CFAP157: variants seen among roughly 807,000 people sequenced by gnomAD.
The protein encoded by CFAP157 is cilia- and flagella-associated protein 157.
Under a neutral mutation model 57.8 loss-of-function variants are expected in CFAP157, and 43 were observed. The ratio of observed to expected loss-of-function variants is 0.74; its 90% CI spans 0.58 to 0.96. The LOEUF (loss-of-function observed/expected upper bound fraction) is 0.96, where lower values mean the gene tolerates loss of function less well. Among genes scored for constraint, CFAP157 ranks in the 40% least tolerant of loss-of-function variants. CFAP157 has a pLI of 0.00. For synonymous variants in CFAP157, 267 were observed against 269.0 expected (o/e 0.99, Z 0.07); for missense variants, 606 against 655.3 (o/e 0.92, Z 0.82).
At chr9:127,713,251 C>T (rs773251319) in intron 8 of CFAP157, 45 bp downstream of exon 8, 1 of 1,421,934 alleles carries the variant, frequency 7.0e-7, no homozygotes, top group Non-Finnish European at 9.5e-7. Flanking sequence ...GGCAGCTAGT[C>T]CTGGGTACAA....
In CFAP157 at chr9:127,713,967, A is replaced by C; in HGVS notation, c.*62A>C. 6.3e-7 allele frequency: 1 copy of C among 1,581,972 alleles called. No homozygotes were observed. Among genetic ancestry groups the C allele is most frequent in the Non-Finnish European group, 8.7e-7 (1 of 1,151,258 alleles). ...GTCCAGTCACAGTCACCCCCACTTT[A>C]ATCCGCAGGCAGCCTGGAACAGTCT... On this transcript the variant is annotated 3_prime_UTR_variant, in exon 9 of 9. Transcript: ENST00000373295.
At chr9:127,711,590 C>A in intron 4 of CFAP157, 94 bp downstream of exon 4, 1 of 1,480,326 alleles carries the variant, frequency 6.8e-7, no homozygotes, top group South Asian at 1.3e-5. Context: ...GCAGTCAAGT[C>A]AGGAGGGAGG....
intron 7 of CFAP157, 45 bp from the exon 8 acceptor site, chr9:127,712,975 C>G: frequency 6.2e-7 from 1 of 1,602,470 alleles, no homozygotes; most frequent in Non-Finnish European, 8.5e-7. Context: ...GGGCCAGAAA[C>G]CTGGCTCGCC....
Position 127,709,733 on chromosome 9 carries a change from C to A in CFAP157, c.433+40C>A, listed in dbSNP as rs767592297. 1.9e-6 allele frequency: 3 copies of A among 1,590,832 alleles called. No individual in the cohort carries two copies. In the East Asian group the frequency reaches 6.8e-5, roughly 36 times the overall value. On this transcript the variant is annotated intron_variant, in intron 2 of 8. Transcript: ENST00000373295. This position sits in a 1 kb window ranked among gnomAD's most constrained non-coding sequence, Gnocchi z 4.7. ...GGCTGGTGAGCCTGCAGGCACACAT[C>A]CCAGCTCTATCACTGACCCTGTTTC... is the stretch of plus-strand genomic sequence containing the variant.
rs1301730945 is a variant in CFAP157, at chr9:127,709,470, C to A, written c.210C>A (p.Arg70=). The A allele has an allele frequency of 9.9e-6, 16 of 1,613,962 alleles. No homozygotes were observed. Among genetic ancestry groups the A allele is most frequent in the Non-Finnish European group, 1.4e-5 (16 of 1,180,006 alleles). ...DELAVQEKMF[R]QEFEQLANNK... Reference sequence around the variant, plus strand: ...TGGCTGTGCAGGAGAAGATGTTCCGCCAGGAGTTTGAGCAGCTGGCCAATA... The same window carrying A: ...TGGCTGTGCAGGAGAAGATGTTCCGACAGGAGTTTGAGCAGCTGGCCAATA... The change falls in exon 2 of 9, where the codon CGC becomes CGA. Residue 70 remains arginine (R), a synonymous_variant. Coordinates refer to ENST00000373295, the MANE Select transcript of CFAP157 (RefSeq NM_001012502.3). This position sits in a 1 kb window ranked among gnomAD's most constrained non-coding sequence, Gnocchi z 4.7.
chr9:127,711,973 C>T (rs1244986608), intron 5 of CFAP157, 23 bp downstream of exon 5: 18 of 1,592,640 alleles, frequency 1.1e-5, no homozygotes, highest in Middle Eastern at 2.1e-4. Flanking sequence ...CACGGAGGGG[C>T]GGGCGGCGGG....
Position 127,713,839 on chromosome 9 carries a change from T to A in CFAP157, c.1497T>A (p.Arg499=). 1.9e-6 allele frequency: 3 copies of A among 1,613,830 alleles called. No homozygotes were observed. The highest frequency in any genetic ancestry group is 1.7e-6 in the Non-Finnish European group (2 of 1,179,948). Residue 499 remains arginine (R), a synonymous_variant, in exon 9 of 9, where the codon CGT becomes CGA. Transcript: ENST00000373295. ...CAGCATCTTTAATCTTACAGATGCGTGCCCCTGGTTCTCTAAAAAGGCTTG... is the reference window on the plus strand; with the variant it reads ...CAGCATCTTTAATCTTACAGATGCGAGCCCCTGGTTCTCTAAAAAGGCTTG... ...TFRAHSSPEM[R]APGSLKRLEK... is the part of the protein sequence containing the mutation.
Position 127,709,474 on chromosome 9 carries a change from G to T in CFAP157, c.214G>T (p.Glu72Ter). 1 of 1,614,032 alleles carries T rather than the reference G, an allele frequency of 6.2e-7. No individual in the cohort carries two copies. The highest frequency in any genetic ancestry group is 8.5e-7 in the Non-Finnish European group (1 of 1,180,024). The change falls in exon 2 of 9, where the codon GAG becomes TAG. Residue 72 changes from glutamate (E) to a stop codon, truncating the protein, a stop_gained. Transcript: ENST00000373295. LOFTEE classifies it high-confidence loss of function. The surrounding 1 kb of genome is among the most constrained non-coding windows in gnomAD (Gnocchi z 4.7). ...TGTGCAGGAGAAGATGTTCCGCCAG[G>T]AGTTTGAGCAGCTGGCCAATAACAA... ...LAVQEKMFRQ[E>*]FEQLANNKKE...
chr9:127,715,278 G>T lies in CFAP157; in HGVS notation c.*1373G>T. On this transcript the variant is annotated 3_prime_UTR_variant, in exon 9 of 9. Coordinates refer to ENST00000373295, the MANE Select transcript of CFAP157 (RefSeq NM_001012502.3). This position sits in a 1 kb window ranked among gnomAD's most constrained non-coding sequence, Gnocchi z 5.8. ...GCGTCCCGTGGGCCCCAACGCAGAG[G>T]AGCGGAAACGCAGAGCAACGCTGCA... The T allele has an allele frequency of 7.0e-7, 1 of 1,437,634 alleles. No individual in the cohort carries two copies. Among genetic ancestry groups the T allele is most frequent in the South Asian group, 1.2e-5 (1 of 82,016 alleles). The allele number at this position is 1,437,634 out of a possible 1,614,324, so 89.1% of individuals were successfully genotyped here.
At position 127,711,809 on chromosome 9, in the gene CFAP157, C is replaced by A; in HGVS notation, c.856-11C>A. The A allele has an allele frequency of 6.4e-7, 1 of 1,555,388 alleles. No homozygotes were observed. ...CAGGCTGAGGGCATGGCCACCTGTC[C>A]GCACCCGCAGATCATCCTCATGCTG... On this transcript the variant is annotated splice_polypyrimidine_tract_variant and intron_variant, in intron 4 of 8. Coordinates refer to ENST00000373295, the MANE Select transcript of CFAP157 (RefSeq NM_001012502.3).
At position 127,715,334 on chromosome 9, in the gene CFAP157, A is replaced by T. The variant is rs1460433526; in HGVS notation, c.*1429A>T. On this transcript the variant is annotated 3_prime_UTR_variant, in exon 9 of 9. Coordinates refer to ENST00000373295, the MANE Select transcript of CFAP157 (RefSeq NM_001012502.3). The surrounding 1 kb of genome is among the most constrained non-coding windows in gnomAD (Gnocchi z 5.8). ...GAAGGGGCGCGAAGAAGGGGCCCAG[A>T]AACCCGACCCCTGAGAACTCCAGAA... 2.4e-6 allele frequency: 3 copies of T among 1,251,758 alleles called. No homozygotes were observed. The South Asian group carries it at 3.8e-5, about 16-fold the overall frequency. 77.5% of individuals were successfully genotyped at this position (1,251,758 alleles called of 1,614,324 possible).
chr9:127,715,739 G>A lies in CFAP157; in HGVS notation c.*1834G>A. The A allele has an allele frequency of 6.5e-7, 1 of 1,539,430 alleles. No homozygotes were observed. Among genetic ancestry groups the A allele is most frequent in the Non-Finnish European group, 8.7e-7 (1 of 1,148,446 alleles). On this transcript the variant is annotated 3_prime_UTR_variant, in exon 9 of 9. Transcript: ENST00000373295. This position sits in a 1 kb window ranked among gnomAD's most constrained non-coding sequence, Gnocchi z 5.8. Reference sequence around the variant, plus strand: ...GGCGTCCACCGCCAACGTCCAATCCGGGCCGGGCTACGTGGCCGCCATGCT... The same window carrying A: ...GGCGTCCACCGCCAACGTCCAATCCAGGCCGGGCTACGTGGCCGCCATGCT...
Position 127,713,079 on chromosome 9 carries a change from C to T in CFAP157, c.1364C>T (p.Thr455Ile). 1.2e-6 allele frequency: 2 copies of T among 1,613,872 alleles called. No individual in the cohort carries two copies. Among genetic ancestry groups the T allele is most frequent in the Non-Finnish European group, 1.7e-6 (2 of 1,179,900 alleles). Residue 455 changes from threonine (T) to isoleucine (I), a missense_variant, in exon 8 of 9, where the codon ACC becomes ATC. Transcript: ENST00000373295. The part of the protein sequence containing the change: ...GSLLPQLSDI[T>I]PYQPGDLGLV... Reference sequence around the variant, plus strand: ...CTGCTGCCGCAGCTCTCTGACATCACCCCCTACCAGCCGGGGGATCTAGGC... The same window carrying T: ...CTGCTGCCGCAGCTCTCTGACATCATCCCCTACCAGCCGGGGGATCTAGGC...
chr9:127,713,641 G>A, intron 8 of CFAP157, 193 bp from the exon 9 acceptor site: 1 of 483,986 alleles, frequency 2.1e-6, no homozygotes, highest in Non-Finnish European at 3.8e-6. Context: ...CAAGTAGCAG[G>A]GATTACAGGC....
intron 6 of CFAP157, 137 bp from the exon 7 acceptor site, chr9:127,712,572 C>A (rs1265160915): frequency 6.4e-7 from 1 of 1,553,924 alleles, no homozygotes; most frequent in African/African-American, 1.4e-5. Flanking sequence ...GGGCCTCAGT[C>A]TTCCCGACTG....
chr9:127,711,981 G>A lies in CFAP157; in HGVS notation c.986+31G>A, dbSNP rs753006096. The A allele has an allele frequency of 6.9e-5, 109 of 1,588,238 alleles. No individual in the cohort carries two copies. Among genetic ancestry groups the A allele is most frequent in the Admixed American group, 1.1e-4 (6 of 55,490 alleles). On this transcript the variant is annotated intron_variant, in intron 5 of 8. Transcript: ENST00000373295. ...TATGGCCCACGGAGGGGCGGGCGGC[G>A]GGTGCAGGCTGGGGCCAAGCTCTGG...
chr9:127,707,468 C>G (rs1842673137), intron 1 of CFAP157, among the ~76,000 whole-genome samples: 1 of 152,192 alleles, frequency 6.6e-6, no homozygotes, highest in Admixed American at 6.5e-5. Flanking sequence ...CCCACGTCCC[C>G]CTGCCTCACT....
rs1362500574 is a variant in CFAP157, at chr9:127,712,726, G to A, written c.1155G>A (p.Glu385=). 1.2e-6 allele frequency: 2 copies of A among 1,614,066 alleles called. No individual in the cohort carries two copies. The highest frequency in any genetic ancestry group is 2.2e-5 in the East Asian group (1 of 44,896). The change falls in exon 7 of 9, where the codon GAG becomes GAA. Residue 385 remains glutamate, a synonymous_variant. Transcript: ENST00000373295. ...QNILQMHRDE[E]DSDVDVTFQP... Reference sequence around the variant, plus strand: ...ACCAACAGATGCACCGCGATGAAGAGGACAGTGACGTTGACGTGACGTTCC... The same window carrying A: ...ACCAACAGATGCACCGCGATGAAGAAGACAGTGACGTTGACGTGACGTTCC...
intron 8 of CFAP157, 107 bp from the exon 9 acceptor site, chr9:127,713,727 G>A (rs1025002016): frequency 4.2e-5 from 37 of 889,774 alleles, no homozygotes; most frequent in Middle Eastern, 5.9e-4. Flanking sequence ...GGCTGGTCTC[G>A]AACTCCTGAC....
Sources: gnomAD v4.1 joint callset for allele counts (sites outside exome capture counted in the v4.1 genomes callset) on GRCh38, gnomAD v4.1.1 for gene constraint, Gnocchi (gnomAD v3.1) non-coding constraint, MANE v1.5 for transcripts, NCBI Gene and HGNC (gene_info 2026-07-23, HGNC 2026-07-21) for gene names.